The following KAZN variants were observed in gnomAD, a reference collection of about 807,000 sequenced individuals.
KAZN encodes the protein kazrin.
KAZN carries 40 observed loss-of-function variants against 87.4 expected under a neutral mutation model. The ratio of observed to expected loss-of-function variants is 0.46; its 90% confidence interval spans 0.36 to 0.60. The LOEUF is 0.60. Ranked by LOEUF, KAZN falls within the 20% of genes least tolerant of loss-of-function variation. The probability of loss-of-function intolerance (pLI) is 0.00; values close to 1 mark genes in which losing one functional copy is unlikely to be tolerated. For synonymous variants in KAZN, 466 were observed against 458.3 expected (o/e 1.02, Z -0.22); for missense variants, 898 against 1,073.9 (o/e 0.84, Z 2.29).
At chr1:14,001,072 A>G (rs10803447) in intron 1 of KAZN, among the ~76,000 whole-genome samples, 21,950 of 151,884 alleles carry the variant, frequency 0.14, 1,696 homozygotes, top group Middle Eastern at 0.22. Context: ...GTGAGCCACC[A>G]CGCCCGGCCG....
At chr1:14,675,944 G>T (rs1000618475) in intron 1 of KAZN, among the ~76,000 whole-genome samples, 1 of 152,118 alleles carries the variant, frequency 6.6e-6, no homozygotes, top group African/African-American at 2.4e-5. Flanking sequence ...TCTACACCCC[G>T]AGTATGGTTG....
At chr1:13,928,723 G>T (rs1354285151) in intron 1 of KAZN, among the ~76,000 whole-genome samples, 1 of 152,188 alleles carries the variant, frequency 6.6e-6, no homozygotes, top group African/African-American at 2.4e-5. Context: ...TTTGGGGAAA[G>T]AAAGAGTAAC....
At chr1:14,656,461 C>T (rs1363777501) in intron 1 of KAZN, among the ~76,000 whole-genome samples, 2 of 152,200 alleles carry the variant, frequency 1.3e-5, no homozygotes, top group East Asian at 3.9e-4. Flanking sequence ...GTTTTGAGTA[C>T]TTACGTGCCA....
chr1:14,162,793 C>T (rs149001615), intron 1 of KAZN, among the ~76,000 whole-genome samples: 2,955 of 152,262 alleles, frequency 0.019, 96 homozygotes, highest in African/African-American at 0.067. Context: ...ATCCGCCTGC[C>T]TCAGCCTCCC....
chr1:15,085,520 G>T (rs929631694), intron 8 of KAZN, among the ~76,000 whole-genome samples: 2 of 152,142 alleles, frequency 1.3e-5, no homozygotes, highest in Non-Finnish European at 2.9e-5. Flanking sequence ...TAGAGATGGG[G>T]TTTCGCCATG....
chr1:14,315,562 C>T lies in KAZN; in HGVS notation c.249+134970C>T, dbSNP rs937956354. Among the ~76,000 whole-genome samples, 9 of 152,128 alleles carry T rather than the reference C, an allele frequency of 5.9e-5. No homozygotes were observed. In the South Asian group the frequency reaches 6.2e-4, roughly 11 times the overall value. ...CCTTCCTTTGTTTATAGCCAGCCTC[C>T]CATCCCAGCCCAGGCAGACACTGAC... On this transcript the variant is annotated intron_variant, in intron 2 of 16. Transcript: ENST00000636203.
chr1:14,010,472 A>G (rs937703480), intron 1 of KAZN, among the ~76,000 whole-genome samples: 4 of 152,290 alleles, frequency 2.6e-5, no homozygotes, highest in Admixed American at 1.3e-4. Context: ...CCGGTATGGG[A>G]GGTGGGAGGG....
intron 1 of KAZN, among the ~76,000 whole-genome samples, chr1:14,914,929 G>A (rs1368876588): frequency 1.3e-5 from 2 of 152,184 alleles, no homozygotes; most frequent in African/African-American, 2.4e-5. Context: ...GGTGGCTCAC[G>A]CCTATAATCC....
intron 2 of KAZN, among the ~76,000 whole-genome samples, chr1:14,430,603 A>G (rs1221599822): frequency 6.6e-6 from 1 of 152,212 alleles, no homozygotes; most frequent in Non-Finnish European, 1.5e-5. Flanking sequence ...AGAGGTGGAC[A>G]GGATAACCAC....
intron 2 of KAZN, among the ~76,000 whole-genome samples, chr1:14,429,027 C>G (rs1665897678): frequency 2.0e-5 from 3 of 152,006 alleles, no homozygotes; most frequent in South Asian, 4.1e-4. Flanking sequence ...AGGATAGTTT[C>G]AGAAAATATC....
chr1:14,829,174 C>A (rs74059606), intron 1 of KAZN, among the ~76,000 whole-genome samples: 2 of 152,090 alleles, frequency 1.3e-5, no homozygotes, highest in Non-Finnish European at 2.9e-5. Flanking sequence ...GACTGACTCA[C>A]GAGAAGACCA....
intron 2 of KAZN, among the ~76,000 whole-genome samples, chr1:14,551,966 C>T (rs1243503153): frequency 1.3e-5 from 2 of 152,112 alleles, no homozygotes; most frequent in Non-Finnish European, 2.9e-5. Flanking sequence ...GTCTCTCTCT[C>T]TTCTTTTTAT....
At chr1:14,496,766 C>T (rs1047557286) in intron 2 of KAZN, among the ~76,000 whole-genome samples, 2 of 151,876 alleles carry the variant, frequency 1.3e-5, no homozygotes, top group African/African-American at 2.4e-5. Flanking sequence ...AAAATGTGTG[C>T]GCGCCTACAT....
chr1:14,946,191 C>T (rs12036609), intron 1 of KAZN: 29,221 of 152,086 alleles, frequency 0.19, 3,228 homozygotes, highest in African/African-American at 0.29. Flanking sequence ...AGTGGAGGGA[C>T]GTAGAGGTGA....
intron 1 of KAZN, among the ~76,000 whole-genome samples, chr1:14,907,279 G>A (rs577440385): frequency 1.3e-5 from 2 of 151,934 alleles, no homozygotes; most frequent in South Asian, 4.2e-4. Flanking sequence ...GTGCACGCTT[G>A]TAGTCCCAGC....
At chr1:14,639,967 C>T (rs1279031851) in intron 1 of KAZN, among the ~76,000 whole-genome samples, 1 of 152,162 alleles carries the variant, frequency 6.6e-6, no homozygotes, top group Non-Finnish European at 1.5e-5. Context: ...TTGAGGACTT[C>T]TCCCTGCGGC....
intron 1 of KAZN, among the ~76,000 whole-genome samples, chr1:14,657,603 C>A (rs919042895): frequency 6.6e-6 from 1 of 152,188 alleles, no homozygotes; most frequent in Non-Finnish European, 1.5e-5. Flanking sequence ...AGGCATCTCC[C>A]TATCATGAGC....
chr1:14,736,640 G>A (rs1643918315), intron 1 of KAZN, among the ~76,000 whole-genome samples: 2 of 151,946 alleles, frequency 1.3e-5, no homozygotes, highest in South Asian at 4.1e-4. Flanking sequence ...AGGGTCCCCA[G>A]ATGGTTTTGC....
At chr1:14,722,768 CTAGATT>C (rs1439932297) in intron 1 of KAZN, among the ~76,000 whole-genome samples, 7 of 152,110 alleles carry the variant, frequency 4.6e-5, no homozygotes, top group Non-Finnish European at 8.8e-5. Context: ...CTATCCACAC[CTAGATT>C]CCCTTCCCCA....
Sources: allele counts gnomAD v4.1 joint callset (sites outside exome capture counted in the v4.1 genomes callset), GRCh38; gene constraint gnomAD v4.1.1; transcripts MANE v1.5; gene names NCBI Gene and HGNC (gene_info 2026-07-23, HGNC 2026-07-21).